The following ZFR2 variants were observed in gnomAD, a reference collection of about 807,000 sequenced individuals.
The protein encoded by ZFR2 is zinc finger RNA binding protein 2.
Under a neutral mutation model 105.7 loss-of-function variants are expected in ZFR2, and 104 were observed. The observed-to-expected ratio is 0.98, with a 90% CI of 0.84 to 1.16. ZFR2 has a LOEUF of 1.16. ZFR2 is among the 50% of genes most tolerant of loss of function. The probability of loss-of-function intolerance (pLI) is 0.00; values close to 1 mark genes in which losing one functional copy is unlikely to be tolerated. For synonymous variants in ZFR2, 634 were observed against 597.7 expected (o/e 1.06, Z -0.89); for missense variants, 1,425 against 1,355.5 (o/e 1.05, Z -0.80).
chr19:3,808,218 T>C (rs369479575), intron 17 of ZFR2, among the ~76,000 whole-genome samples: 112 of 150,216 alleles, frequency 7.5e-4, no homozygotes, highest in Middle Eastern at 7.0e-3. Flanking sequence ...TGTGTGCCCG[T>C]GCGAGTGCGT....
chr19:3,810,443 T>G (rs2037749291), intron 16 of ZFR2, among the ~76,000 whole-genome samples: 1 of 152,212 alleles, frequency 6.6e-6, no homozygotes, highest in Non-Finnish European at 1.5e-5. Flanking sequence ...GAGTCCGGCT[T>G]CCGCCCCTCT....
intron 17 of ZFR2, among the ~76,000 whole-genome samples, chr19:3,807,577 ATGTGCACGTGTGTGTCCGTG>A (rs1599216031): frequency 1.3e-5 from 2 of 150,816 alleles, no homozygotes; most frequent in East Asian, 3.9e-4. Context: ...ATGCGTGCCC[ATGTGCACGTGTGTGTCCGTG>A]TGTGCACGTG....
At chr19:3,829,851 G>C (rs1240073458) in intron 5 of ZFR2, among the ~76,000 whole-genome samples, 1 of 152,222 alleles carries the variant, frequency 6.6e-6, no homozygotes. Flanking sequence ...GTATACTGCA[G>C]TAATTAGCCA....
chr19:3,817,618 G>A (rs1371260276), intron 12 of ZFR2, among the ~76,000 whole-genome samples: 2 of 148,452 alleles, frequency 1.3e-5, no homozygotes, highest in Admixed American at 6.7e-5. Flanking sequence ...TTAGCTGGGT[G>A]TGGTGGTACA....
At chr19:3,826,673 T>C (rs1480282024) in intron 6 of ZFR2, among the ~76,000 whole-genome samples, 1 of 151,616 alleles carries the variant, frequency 6.6e-6, no homozygotes, top group African/African-American at 2.4e-5. Context: ...CCCAACCTCA[T>C]GCGATCCACT....
At chr19:3,812,162 T>C (rs912182238) in intron 14 of ZFR2, among the ~76,000 whole-genome samples, 5 of 152,110 alleles carry the variant, frequency 3.3e-5, no homozygotes, top group Admixed American at 2.0e-4. Context: ...CAGGCTGATC[T>C]CGAACCCCTC....
At chr19:3,807,406 C>T in intron 17 of ZFR2, 137 bp from the exon 18 acceptor site, 2 of 635,910 alleles carry the variant, frequency 3.1e-6, no homozygotes, top group Admixed American at 5.6e-5. Flanking sequence ...CACCTCTGAC[C>T]CTCAGGCCTC....
chr19:3,822,357 G>C (rs2037905740), intron 8 of ZFR2, among the ~76,000 whole-genome samples, 157 bp from the exon 9 acceptor site: 1 of 151,844 alleles, frequency 6.6e-6, no homozygotes, highest in Non-Finnish European at 1.5e-5. Context: ...ACCCAAGCTG[G>C]AGTGGAGTAC....
chr19:3,843,196 C>T lies in ZFR2; in HGVS notation c.54-8213G>A, dbSNP rs138326194. Reference sequence around the variant, plus strand: ...TCCATCAGTGGATAAATGGGCTGGGCGCGGTGGCTCACGCCTGGGATCCCA... The same window carrying T: ...TCCATCAGTGGATAAATGGGCTGGGTGCGGTGGCTCACGCCTGGGATCCCA... On this transcript the variant is annotated intron_variant, in intron 1 of 18. Coordinates refer to ENST00000262961, the MANE Select transcript of ZFR2 (RefSeq NM_015174.2). Among the ~76,000 whole-genome samples, 489 of 151,730 alleles carry T rather than the reference C, an allele frequency of 3.2e-3. 2 individuals carry two copies. Among genetic ancestry groups the T allele is most frequent in the African/African-American group, 0.011 (476 of 41,446 alleles).
chr19:3,820,147 C>G, intron 11 of ZFR2, 35 bp downstream of exon 11: 1 of 1,544,586 alleles, frequency 6.5e-7, no homozygotes, highest in Non-Finnish European at 8.8e-7. Context: ...AGTGTGAGGT[C>G]GCCCGCGTTT....
intron 12 of ZFR2, 135 bp from the exon 13 acceptor site, chr19:3,816,980 G>A: frequency 1.3e-6 from 1 of 798,114 alleles, no homozygotes. Flanking sequence ...CCATGAAATG[G>A]GACCAGGCCG....
chr19:3,804,542 T>TGGGGGGGGGGGGGG lies in ZFR2; in HGVS notation c.*1406_*1407insCCCCCCCCCCCCCC. On this transcript the variant is annotated 3_prime_UTR_variant, in exon 19 of 19. Transcript: ENST00000262961. ...GTGGTACAGGGCTCGGGGCGGGGGG[T>TGGGGGGGGGGGGGG]GGGTGGGGGTGCCTCTGGGCTCCGG... 9.1e-6 allele frequency: 1 copy of TGGGGGGGGGGGGGG among 109,550 alleles called. No homozygotes were observed. Among genetic ancestry groups the TGGGGGGGGGGGGGG allele is most frequent in the East Asian group, 2.8e-4 (1 of 3,630 alleles). 6.8% of individuals were successfully genotyped at this position (109,550 alleles called of 1,614,324 possible). A position where few individuals can be genotyped will look rare whatever the true frequency, so the allele number is the denominator to read the frequency against.
intron 1 of ZFR2, among the ~76,000 whole-genome samples, chr19:3,864,576 C>T (rs994715843): frequency 4.6e-5 from 7 of 152,206 alleles, no homozygotes; most frequent in African/African-American, 2.4e-5. Flanking sequence ...TCTGGCCTGT[C>T]GCTTCCCACT....
chr19:3,831,675 A>G lies in ZFR2; in HGVS notation c.583T>C (p.Cys195Arg). 2 of 1,559,508 alleles carry G rather than the reference A, an allele frequency of 1.3e-6. No individual in the cohort carries two copies. The highest frequency in any genetic ancestry group is 1.7e-6 in the Non-Finnish European group (2 of 1,150,226). Reference sequence around the variant, plus strand: ...CTGGTCTTACCCGTGTAGGCGGTGCAGGTGGGGTTGTAGGAGGGCGGGGGG... The same window carrying G: ...CTGGTCTTACCCGTGTAGGCGGTGCGGGTGGGGTTGTAGGAGGGCGGGGGG... ...SYPPPSYNPT[C>R]TAYTAPSYPN... Residue 195 changes from cysteine to arginine, a missense_variant, in exon 4 of 19, where the codon TGC becomes CGC. By Grantham distance (180) the Cys-to-Arg change is radical (BLOSUM62 -3). Coordinates refer to ENST00000262961, the MANE Select transcript of ZFR2 (RefSeq NM_015174.2).
At chr19:3,865,550 G>C (rs929976558) in intron 1 of ZFR2, among the ~76,000 whole-genome samples, 2 of 151,754 alleles carry the variant, frequency 1.3e-5, no homozygotes, top group African/African-American at 4.8e-5. Context: ...GGGGGGAAAG[G>C]TCTCATCATT....
chr19:3,807,616 T>C lies in ZFR2; in HGVS notation c.2546-347A>G, dbSNP rs547680535. Among the ~76,000 whole-genome samples, 16 of 152,202 alleles carry C rather than the reference T, an allele frequency of 1.1e-4. 2 individuals are homozygous for C. Among genetic ancestry groups the C allele is most frequent in the East Asian group, 7.7e-4 (4 of 5,168 alleles). On this transcript the variant is annotated intron_variant, in intron 17 of 18. Transcript: ENST00000262961. ...GTCCGTGTGTGCACGTGTGTGCTCA[T>C]TGGCGTATGTGCATGTGTGCCTGTG...
intron 1 of ZFR2, among the ~76,000 whole-genome samples, chr19:3,860,224 G>C (rs771873403): frequency 2.8e-5 from 4 of 144,962 alleles, no homozygotes; most frequent in Admixed American, 2.0e-4. Flanking sequence ...TTTCAGAGAT[G>C]GGGGGGGTCT....
chr19:3,816,653 T>A, intron 13 of ZFR2, 21 bp downstream of exon 13: 2 of 1,583,810 alleles, frequency 1.3e-6, no homozygotes, highest in Non-Finnish European at 1.7e-6. Context: ...GAAGCAGCGA[T>A]GAGCAGGGCC....
chr19:3,840,421 G>C (rs1205109538), intron 1 of ZFR2, among the ~76,000 whole-genome samples: 1 of 151,940 alleles, frequency 6.6e-6, no homozygotes, highest in Admixed American at 6.6e-5. Context: ...TATTTTTGTA[G>C]AGACGAGGTT....
Sources: allele counts gnomAD v4.1 joint callset (sites outside exome capture counted in the v4.1 genomes callset), GRCh38; gene constraint gnomAD v4.1.1; transcripts MANE v1.5; gene names NCBI Gene and HGNC (gene_info 2026-07-23, HGNC 2026-07-21).